MRPL21: variants seen among roughly 807,000 people sequenced by gnomAD.
The protein encoded by MRPL21 is large ribosomal subunit protein bL21m.
In MRPL21, 20 loss-of-function variants were observed where a neutral mutation model predicts 27.3. That is an observed-to-expected ratio of 0.73 (90% CI 0.52 to 1.06). The LOEUF (loss-of-function observed/expected upper bound fraction) is 1.06. MRPL21 is among the 50% of genes least tolerant of loss of function. The probability of loss-of-function intolerance (pLI) is 0.00; values close to 1 mark genes in which losing one functional copy is unlikely to be tolerated. For synonymous variants in MRPL21, 98 were observed against 101.5 expected (o/e 0.97, Z 0.21); for missense variants, 249 against 251.4 (o/e 0.99, Z 0.06).
intron 5 of MRPL21, 138 bp from the exon 6 acceptor site, chr11:68,893,131 A>G: frequency 7.5e-7 from 1 of 1,335,262 alleles, no homozygotes; most frequent in African/African-American, 1.5e-5. Flanking sequence ...AAACATTTTG[A>G]AAACCACGAA....
intron 2 of MRPL21, among the ~76,000 whole-genome samples, chr11:68,898,861 C>T (rs958139948): frequency 6.6e-6 from 1 of 152,180 alleles, no homozygotes. Flanking sequence ...GATCTCAGCT[C>T]ACTGCAACCT....
intron 6 of MRPL21, chr11:68,891,950 A>G: frequency 1.6e-6 from 1 of 644,168 alleles, no homozygotes; most frequent in Non-Finnish European, 2.3e-6. Flanking sequence ...GGATGTCCTC[A>G]GTGCAGACCT....
chr11:68,901,971 T>C (rs931976680), intron 1 of MRPL21, among the ~76,000 whole-genome samples: 3 of 152,184 alleles, frequency 2.0e-5, no homozygotes, highest in African/African-American at 7.2e-5. Context: ...AGTCAACCCA[T>C]TGGCAAATCC....
At chr11:68,898,209 GC>G (rs1857849808) in intron 2 of MRPL21, among the ~76,000 whole-genome samples, 197 bp from the exon 3 acceptor site, 1 of 152,192 alleles carries the variant, frequency 6.6e-6, no homozygotes, top group African/African-American at 2.4e-5. Context: ...GGGAACAATG[GC>G]TCATCATTCA....
intron 3 of MRPL21, 160 bp from the exon 4 acceptor site, chr11:68,896,838 C>T (rs1166165647): frequency 4.8e-6 from 4 of 827,450 alleles, no homozygotes; most frequent in South Asian, 1.7e-5. Context: ...TGCTCCACCC[C>T]CTGCAGGCAC....
At chr11:68,896,948 C>A in intron 3 of MRPL21, 1 of 521,988 alleles carries the variant, frequency 1.9e-6, no homozygotes, top group Admixed American at 3.1e-5. Flanking sequence ...AGAGAACGCC[C>A]AAACCGCCTC....
intron 4 of MRPL21, 84 bp downstream of exon 4, chr11:68,896,431 C>A (rs1857789048): frequency 1.3e-6 from 2 of 1,522,194 alleles, no homozygotes; most frequent in African/African-American, 2.7e-5. Context: ...CGGCGAGGGT[C>A]CCTCCTCCGT....
intron 2 of MRPL21, among the ~76,000 whole-genome samples, chr11:68,898,458 T>G (rs1213399382): frequency 1.3e-5 from 2 of 152,208 alleles, no homozygotes; most frequent in Non-Finnish European, 2.9e-5. Flanking sequence ...CTTCACCACA[T>G]CCTGCTCAAA....
chr11:68,892,830 G>GC, intron 6 of MRPL21, 60 bp downstream of exon 6: 1 of 1,580,666 alleles, frequency 6.3e-7, no homozygotes, highest in Non-Finnish European at 8.6e-7. Flanking sequence ...CCCTCCGTCC[G>GC]CATGCGCCTG....
In MRPL21 at chr11:68,891,342, A is replaced by G; in HGVS notation, c.607T>C (p.Cys203Arg). The change falls in exon 7 of 7, where the codon TGT becomes CGT. Residue 203 changes from cysteine to arginine, a missense_variant. Coordinates refer to ENST00000362034, the MANE Select transcript of MRPL21 (RefSeq NM_181514.2). ...TATTAACTCGGTAATCACAACAAAC[A>G]CGGAGCAATCTCAATGCTGTTTATC... ...LRINSIEIAP[C>R]LL is the part of the protein sequence containing the mutation. 1.9e-6 allele frequency: 3 copies of G among 1,614,078 alleles called. No homozygotes were observed. The highest frequency in any genetic ancestry group is 2.5e-6 in the Non-Finnish European group (3 of 1,179,974).
At chr11:68,893,515 C>T in intron 4 of MRPL21, 60 bp from the exon 5 acceptor site, 6 of 1,605,348 alleles carry the variant, frequency 3.7e-6, no homozygotes, top group South Asian at 1.1e-5. Context: ...AGAACAGTTG[C>T]TAATAACAGG....
intron 1 of MRPL21, 55 bp from the exon 2 acceptor site, chr11:68,900,660 GC>G: frequency 2.8e-6 from 4 of 1,448,364 alleles, no homozygotes; most frequent in Non-Finnish European, 3.9e-6. Context: ...AATGCAAACT[GC>G]CCTTTATGAT....
At chr11:68,893,844 T>A (rs1432382837) in intron 4 of MRPL21, among the ~76,000 whole-genome samples, 2 of 151,792 alleles carry the variant, frequency 1.3e-5, no homozygotes, top group Non-Finnish European at 1.5e-5. Context: ...GAGGCCGAGG[T>A]GGGTGGATCA....
rs569835163 is a variant in MRPL21 at position 68,892,017 on chromosome 11, G to C, written c.554-622C>G. 3.5e-5 allele frequency: 40 copies of C among 1,147,686 alleles called. No individual in the cohort carries two copies. In the South Asian group the frequency reaches 5.2e-4, roughly 15 times the overall value. The allele number at this position is 1,147,686 out of a possible 1,614,324, so 71.1% of individuals were successfully genotyped here. Reference sequence around the variant, plus strand: ...CACTGCTGCTTTGGGGACAGTGCTAGGCGTCATGGGTTGGAACAAAGTGGG... The same window carrying C: ...CACTGCTGCTTTGGGGACAGTGCTACGCGTCATGGGTTGGAACAAAGTGGG... On this transcript the variant is annotated intron_variant, in intron 6 of 6. Coordinates refer to ENST00000362034, the MANE Select transcript of MRPL21 (RefSeq NM_181514.2).
intron 3 of MRPL21, 111 bp from the exon 4 acceptor site, chr11:68,896,789 C>G (rs1594405555): frequency 2.8e-6 from 4 of 1,423,842 alleles, no homozygotes; most frequent in Non-Finnish European, 3.9e-6. Flanking sequence ...TGACAGCCAG[C>G]ACCCCTTGTG....
intron 3 of MRPL21, among the ~76,000 whole-genome samples, chr11:68,897,275 C>G (rs966325476): frequency 2.0e-5 from 3 of 152,160 alleles, no homozygotes; most frequent in Non-Finnish European, 2.9e-5. Context: ...TCTGAACAAG[C>G]ATTTAATGGG....
intron 2 of MRPL21, among the ~76,000 whole-genome samples, chr11:68,900,334 G>A (rs1857902811): frequency 6.6e-6 from 1 of 152,218 alleles, no homozygotes; most frequent in African/African-American, 2.4e-5. Context: ...GTGCATGCCT[G>A]TAATCCCAGC....
intron 3 of MRPL21, among the ~76,000 whole-genome samples, chr11:68,897,165 C>T (rs549319765): frequency 1.3e-5 from 2 of 152,262 alleles, no homozygotes; most frequent in South Asian, 2.1e-4. Flanking sequence ...GGGCAGGACG[C>T]GTTCCCCCTG....
At chr11:68,898,145 C>A (rs565069727) in intron 2 of MRPL21, 133 bp from the exon 3 acceptor site, 5 of 736,086 alleles carry the variant, frequency 6.8e-6, no homozygotes, top group Non-Finnish European at 1.2e-5. Flanking sequence ...GGACAGGCCC[C>A]GCCCCTCTGG....
Sources: allele counts gnomAD v4.1 joint callset (sites outside exome capture counted in the v4.1 genomes callset), GRCh38; gene constraint gnomAD v4.1.1; transcripts MANE v1.5; gene names NCBI Gene and HGNC (gene_info 2026-07-23, HGNC 2026-07-21).